NUP210L: variants seen among roughly 807,000 people sequenced by gnomAD.
The protein encoded by NUP210L is nuclear pore membrane glycoprotein 210-like.
In NUP210L, 74 loss-of-function variants were observed where a neutral mutation model predicts 208.5. That is an observed-to-expected ratio of 0.35 (90% CI 0.29 to 0.43). The LOEUF (loss-of-function observed/expected upper bound fraction) is 0.43. Among genes scored for constraint, NUP210L ranks in the 20% least tolerant of loss-of-function variants. The pLI is 1.00. For missense variants in NUP210L, 1,843 were observed against 2,289.4 expected, an observed-to-expected ratio of 0.81 and a Z score of 3.98; for synonymous variants, 780 against 816.9, an observed-to-expected ratio of 0.95 and a Z score of 0.77.
intron 27 of NUP210L, among the ~76,000 whole-genome samples, chr1:154,044,120 A>G (rs530750272): frequency 6.6e-6 from 1 of 152,162 alleles, no homozygotes; most frequent in African/African-American, 2.4e-5. Flanking sequence ...TCAAGAAAAA[A>G]GCCCGCTGGG....
chr1:154,058,783 A>G, intron 20 of NUP210L, 90 bp from the exon 21 acceptor site: 1 of 1,351,264 alleles, frequency 7.4e-7, no homozygotes, highest in Non-Finnish European at 1.0e-6. Context: ...CAGAATAGAA[A>G]ACATCTTGCT....
chr1:154,092,345 C>T (rs2148049901), intron 15 of NUP210L, among the ~76,000 whole-genome samples: 1 of 150,000 alleles, frequency 6.7e-6, no homozygotes, highest in Non-Finnish European at 1.5e-5. Flanking sequence ...TCCCAAAGAG[C>T]TAGGATTACA....
intron 13 of NUP210L, among the ~76,000 whole-genome samples, chr1:154,103,676 A>G (rs1299543707): frequency 6.7e-5 from 10 of 150,138 alleles, no homozygotes; most frequent in African/African-American, 1.9e-4. Context: ...CGTCTCAAAA[A>G]AAAAAAAAAA....
intron 25 of NUP210L, among the ~76,000 whole-genome samples, chr1:154,051,911 C>G (rs762543687): frequency 2.0e-5 from 3 of 152,228 alleles, no homozygotes; most frequent in Non-Finnish European, 4.4e-5. Flanking sequence ...ACATTTTTCT[C>G]TATATGGAAT....
chr1:154,118,759 A>C (rs761984007), exon 11 of NUP210L: 3 of 1,596,236 alleles, frequency 1.9e-6, no homozygotes, highest in Middle Eastern at 1.7e-4. Flanking sequence ...ATAAATCTTC[A>C]CTTCTTGTTG....
At chr1:154,106,121 C>G (rs186963910) in intron 12 of NUP210L, among the ~76,000 whole-genome samples, 1 of 151,948 alleles carries the variant, frequency 6.6e-6, no homozygotes, top group Non-Finnish European at 1.5e-5. Context: ...ATTACCCGGG[C>G]GTGGTGGTGC....
exon 22 of NUP210L, chr1:154,058,095 G>A: frequency 1.2e-6 from 2 of 1,614,102 alleles, no homozygotes; most frequent in Non-Finnish European, 1.7e-6. Context: ...TTACGTCAGG[G>A]TGACAATGGC....
intron 38 of NUP210L, among the ~76,000 whole-genome samples, chr1:153,994,593 TAA>T (rs1396651968): frequency 6.6e-6 from 1 of 151,246 alleles, no homozygotes; most frequent in East Asian, 2.0e-4. Context: ...ATTACAGGCA[TAA>T]GCCACCATGC....
intron 12 of NUP210L, among the ~76,000 whole-genome samples, chr1:154,108,917 A>G (rs985967746): frequency 2.0e-5 from 3 of 151,726 alleles, no homozygotes; most frequent in East Asian, 3.8e-4. Context: ...CCTGACCAAC[A>G]TGGAGAAACC....
At chr1:154,132,011 T>C (rs1473169041) in intron 7 of NUP210L, among the ~76,000 whole-genome samples, 1 of 152,148 alleles carries the variant, frequency 6.6e-6, no homozygotes, top group Admixed American at 6.6e-5. Flanking sequence ...GGTTTCTCCA[T>C]GTTGACCAGG....
chr1:154,097,835 T>C (rs1656248533), intron 14 of NUP210L, among the ~76,000 whole-genome samples: 1 of 152,196 alleles, frequency 6.6e-6, no homozygotes, highest in Admixed American at 6.5e-5. Flanking sequence ...CCAGTCTCTA[T>C]CTACTTTTAT....
At position 154,025,744 on chromosome 1, in the gene NUP210L, C is replaced by T. The variant is rs537266881; in HGVS notation, c.3948-28G>A. 6 of 1,600,844 alleles carry T rather than the reference C, an allele frequency of 3.7e-6. No homozygotes were observed. The African/African-American group carries it at 5.4e-5, about 14-fold the overall frequency. ...AGGGAACAAGGAAAGGAAGTGGCAT[C>T]TTTTTGGGGTCCTGTCTGACCAGAG... is the stretch of plus-strand genomic sequence containing the variant. On this transcript the variant is annotated intron_variant, in intron 29 of 39. Transcript: ENST00000368559.
chr1:154,013,912 G>A (rs1392108003), intron 33 of NUP210L, among the ~76,000 whole-genome samples: 1 of 151,964 alleles, frequency 6.6e-6, no homozygotes, highest in African/African-American at 2.4e-5. Context: ...TTACAGGCAC[G>A]TGCCACCATG....
At chr1:154,044,652 C>G (rs12071576) in intron 27 of NUP210L, among the ~76,000 whole-genome samples, 1 of 152,090 alleles carries the variant, frequency 6.6e-6, no homozygotes, top group Non-Finnish European at 1.5e-5. Context: ...GAAATATCCT[C>G]GTAATTCTAG....
intron 12 of NUP210L, among the ~76,000 whole-genome samples, chr1:154,116,538 G>A (rs567970431): frequency 6.6e-6 from 1 of 152,156 alleles, no homozygotes; most frequent in South Asian, 2.1e-4. Context: ...GGACCAGCCT[G>A]GGCAACACAG....
intron 10 of NUP210L, among the ~76,000 whole-genome samples, chr1:154,126,090 T>C (rs554685851): frequency 5.3e-5 from 8 of 152,078 alleles, no homozygotes; most frequent in Admixed American, 2.0e-4. Context: ...TAATGAAACC[T>C]GAAACCCCAA....
At chr1:154,062,567 CTTTTTTTTTTTT>C (rs34499821) in intron 17 of NUP210L, among the ~76,000 whole-genome samples, 133 of 75,018 alleles carry the variant, frequency 1.8e-3, no homozygotes, top group African/African-American at 7.0e-3. Flanking sequence ...TTTCTTTTTC[CTTTTTTTTTTTT>C]TTTTTTTTTT....
exon 13 of NUP210L, chr1:154,104,135 T>C (rs1054995050): frequency 1.1e-5 from 18 of 1,613,932 alleles, no homozygotes; most frequent in Non-Finnish European, 1.4e-5. Context: ...GCAATGGGTA[T>C]TTCTATAATC....
intron 37 of NUP210L, 73 bp downstream of exon 37, chr1:154,000,783 T>TG (rs1650164359): frequency 2.3e-6 from 3 of 1,314,844 alleles, no homozygotes; most frequent in Non-Finnish European, 3.3e-6. Flanking sequence ...AAACTGCAGA[T>TG]GGGGGGTACT....
Sources: gnomAD v4.1 joint callset for allele counts (sites outside exome capture counted in the v4.1 genomes callset) on GRCh38, gnomAD v4.1.1 for gene constraint, MANE v1.5 for transcripts, NCBI Gene and HGNC (gene_info 2026-07-23, HGNC 2026-07-21) for gene names.